LDB2: variants seen among roughly 807,000 people sequenced by gnomAD.
LDB2 encodes the protein LIM domain-binding protein 2.
Under a neutral mutation model 44.3 loss-of-function variants are expected in LDB2, and 12 were observed. The observed-to-expected ratio is 0.27, with a 90% CI of 0.17 to 0.44. The LOEUF is 0.44. Ranked by LOEUF, LDB2 falls within the 20% of genes least tolerant of loss-of-function variation. The pLI, the probability that LDB2 is intolerant of heterozygous loss-of-function variation, is 1.00. For synonymous variants in LDB2, 164 were observed against 174.8 expected, an observed-to-expected ratio of 0.94 and a Z score of 0.49; for missense variants, 344 against 473.5, an observed-to-expected ratio of 0.73 and a Z score of 2.54.
chr4:16,559,319 C>T lies in LDB2; in HGVS notation c.615+26603G>A, dbSNP rs560670227. Among the ~76,000 whole-genome samples the T allele has an allele frequency of 7.2e-5, 11 of 152,226 alleles. No individual in the cohort carries two copies. The South Asian group carries it at 2.1e-3, about 29-fold the overall frequency. On this transcript the variant is annotated intron_variant, in intron 5 of 7. Coordinates refer to ENST00000304523, the MANE Select transcript of LDB2 (RefSeq NM_001290.5). ...ATCAGTGTGCTGTATTTAGGAAACC[C>T]ATTTCACATGCAGAGACACACATGG...
intron 5 of LDB2, among the ~76,000 whole-genome samples, chr4:16,566,604 T>G (rs1228570683): frequency 6.6e-6 from 1 of 152,110 alleles, no homozygotes; most frequent in East Asian, 1.9e-4. Flanking sequence ...ATATCATTGT[T>G]AGCTCAGAGG....
chr4:16,838,211 C>T (rs74503955), intron 1 of LDB2, among the ~76,000 whole-genome samples: 2,295 of 152,252 alleles, frequency 0.015, 54 homozygotes, highest in African/African-American at 0.052. Context: ...AACTTTTCAT[C>T]GAAAGGCACA....
At chr4:16,865,011 C>T (rs190606284) in intron 1 of LDB2, among the ~76,000 whole-genome samples, 5 of 152,218 alleles carry the variant, frequency 3.3e-5, no homozygotes, top group South Asian at 2.1e-4. Flanking sequence ...TTCGGGAGGC[C>T]GAAGTGGGCA....
chr4:16,632,233 C>G (rs1732165059), intron 2 of LDB2, among the ~76,000 whole-genome samples: 2 of 152,296 alleles, frequency 1.3e-5, no homozygotes, highest in South Asian at 4.1e-4. Context: ...AGCTTATCCA[C>G]CATGATCAAG....
In LDB2 at chr4:16,502,817, G is replaced by A. The variant is rs775150499; in HGVS notation, c.948C>T (p.Asp316=). Residue 316 remains aspartate (D), a synonymous_variant, in exon 8 of 8, where the codon GAC becomes GAT. Transcript: ENST00000304523. ...TTTCTAATCTAGTGATTAGCCTTTC[G>A]TCCTCGTCCCCAAACTCACCTCCCA... ...TLMGGEFGDE[D]ERLITRLENT... is the part of the protein sequence containing the mutation. The A allele has an allele frequency of 4.3e-6, 7 of 1,613,868 alleles. No homozygotes were observed. Among genetic ancestry groups the A allele is most frequent in the Admixed American group, 3.3e-5 (2 of 59,964 alleles).
intron 2 of LDB2, among the ~76,000 whole-genome samples, chr4:16,693,150 CA>C (rs1751200172): frequency 6.6e-6 from 1 of 152,058 alleles, no homozygotes; most frequent in South Asian, 2.1e-4. Flanking sequence ...CTGAGATACA[CA>C]AGGAGTGAGT....
chr4:16,633,523 GAGAAAAA>G (rs1732645386), intron 2 of LDB2, among the ~76,000 whole-genome samples: 1 of 152,030 alleles, frequency 6.6e-6, no homozygotes, highest in Admixed American at 6.5e-5. Flanking sequence ...TTGCTACTAA[GAGAAAAA>G]AATACCTAGG....
At chr4:16,816,221 A>T (rs1440857327) in intron 1 of LDB2, among the ~76,000 whole-genome samples, 7 of 152,122 alleles carry the variant, frequency 4.6e-5, no homozygotes, top group Non-Finnish European at 8.8e-5. Flanking sequence ...ATAAAAAATT[A>T]AAAAATCCTA....
Position 16,557,904 on chromosome 4 carries a change from C to T in LDB2, c.615+28018G>A, listed in dbSNP as rs187933060. Among the ~76,000 whole-genome samples, 158 of 152,252 alleles carry T rather than the reference C, an allele frequency of 1.0e-3. 1 individual carries two copies. The highest frequency in any genetic ancestry group is 5.8e-4 in the East Asian group (3 of 5,160). On this transcript the variant is annotated intron_variant, in intron 5 of 7. Transcript: ENST00000304523. ...AACGATCAGACAGCAGCATTCGTGG[C>T]GCACGAAACTCCGCTGTTCTGCAGA...
At chr4:16,670,197 C>A (rs1263943970) in intron 2 of LDB2, among the ~76,000 whole-genome samples, 1 of 152,216 alleles carries the variant, frequency 6.6e-6, no homozygotes, top group East Asian at 1.9e-4. Flanking sequence ...GATCAGCACT[C>A]CTTGTAGTCA....
intron 2 of LDB2, among the ~76,000 whole-genome samples, chr4:16,669,786 T>G (rs1255696470): frequency 2.0e-5 from 3 of 152,202 alleles, no homozygotes; most frequent in Non-Finnish European, 4.4e-5. Flanking sequence ...TAATGAACCT[T>G]CACTTTCCTC....
chr4:16,614,843 G>A (rs1382193266), intron 2 of LDB2, among the ~76,000 whole-genome samples: 2 of 151,180 alleles, frequency 1.3e-5, no homozygotes, highest in Non-Finnish European at 3.0e-5. Context: ...GGCCGAGGCG[G>A]GCGGATCATG....
chr4:16,685,691 A>G (rs140279553), intron 2 of LDB2, among the ~76,000 whole-genome samples: 103 of 152,310 alleles, frequency 6.8e-4, no homozygotes, highest in African/African-American at 2.3e-3. Flanking sequence ...TTATCCTAAC[A>G]TCACAAGCAA....
chr4:16,862,282 G>A (rs1007620062), intron 1 of LDB2, among the ~76,000 whole-genome samples: 41 of 151,124 alleles, frequency 2.7e-4, no homozygotes, highest in African/African-American at 7.1e-4. Context: ...ATATTTGGAA[G>A]GAGAAGCCCA....
chr4:16,693,273 T>C (rs1011400828), intron 2 of LDB2, among the ~76,000 whole-genome samples: 7 of 152,054 alleles, frequency 4.6e-5, no homozygotes, highest in Non-Finnish European at 8.8e-5. Flanking sequence ...GCCAGGCAAC[T>C]GTCATAGTCT....
At chr4:16,822,278 C>T (rs944370368) in intron 1 of LDB2, among the ~76,000 whole-genome samples, 2 of 151,996 alleles carry the variant, frequency 1.3e-5, no homozygotes, top group African/African-American at 4.8e-5. Context: ...GCTAATAGAC[C>T]ATTGGTTAAA....
intron 5 of LDB2, among the ~76,000 whole-genome samples, chr4:16,573,343 G>T (rs904791311): frequency 6.6e-6 from 1 of 152,074 alleles, no homozygotes; most frequent in Non-Finnish European, 1.5e-5. Context: ...CCTGTGACAC[G>T]TGCTCCTCCA....
intron 2 of LDB2, among the ~76,000 whole-genome samples, chr4:16,658,083 A>G (rs965502613): frequency 2.6e-5 from 4 of 152,202 alleles, no homozygotes; most frequent in Non-Finnish European, 5.9e-5. Context: ...TGTAAGCATA[A>G]TATAAAAAGT....
chr4:16,758,777 AG>A (rs1405482226), intron 2 of LDB2, among the ~76,000 whole-genome samples: 1 of 152,232 alleles, frequency 6.6e-6, no homozygotes, highest in East Asian at 1.9e-4. Flanking sequence ...CAGTGACAGT[AG>A]GAATTATTAT....
Sources: allele counts gnomAD v4.1 joint callset (sites outside exome capture counted in the v4.1 genomes callset), GRCh38; gene constraint gnomAD v4.1.1; transcripts MANE v1.5; gene names NCBI Gene and HGNC (gene_info 2026-07-23, HGNC 2026-07-21).